The following AVL9 variants were observed in gnomAD, a reference collection of about 807,000 sequenced individuals.
AVL9 encodes the protein late secretory pathway protein AVL9 homolog.
AVL9 carries 49 observed loss-of-function variants against 79.2 expected under a neutral mutation model. The observed-to-expected ratio is 0.62, with a 90% confidence interval of 0.49 to 0.79. The LOEUF is 0.79. Among genes scored for constraint, AVL9 ranks in the 30% least tolerant of loss-of-function variants. The pLI is 0.00. For synonymous variants in AVL9, 299 were observed against 280.6 expected, an observed-to-expected ratio of 1.07 and a Z score of -0.65; for missense variants, 682 against 776.8, an observed-to-expected ratio of 0.88 and a Z score of 1.45.
At chr7:32,547,144 G>A (rs1380877802) in intron 3 of AVL9, among the ~76,000 whole-genome samples, 1 of 152,218 alleles carries the variant, frequency 6.6e-6, no homozygotes. Flanking sequence ...GGGTACCAGC[G>A]AGGGTCCAAG....
chr7:32,576,162 G>T (rs939436555), intron 13 of AVL9, 90 bp downstream of exon 13: 4 of 876,352 alleles, frequency 4.6e-6, no homozygotes, highest in South Asian at 1.6e-5. Context: ...CTTTGATATT[G>T]TGAATATCCT....
intron 1 of AVL9, among the ~76,000 whole-genome samples, chr7:32,503,363 T>G (rs9769760): frequency 0.011 from 1,094 of 100,294 alleles, 42 homozygotes; most frequent in African/African-American, 0.041. Flanking sequence ...TATAGAGAGA[T>G]ATATATATAT....
intron 1 of AVL9, among the ~76,000 whole-genome samples, chr7:32,510,777 G>C (rs10248722): frequency 2.1e-5 from 2 of 94,108 alleles, no homozygotes; most frequent in Admixed American, 9.7e-5. Context: ...TCAGGTCTGG[G>C]TGTAGGAGTC....
chr7:32,511,828 A>G (rs1562755545), intron 1 of AVL9, among the ~76,000 whole-genome samples: 1 of 152,116 alleles, frequency 6.6e-6, no homozygotes, highest in Non-Finnish European at 1.5e-5. Context: ...AGGAACAGAA[A>G]GAAATGGAGG....
chr7:32,562,572 C>A (rs1018910025), intron 10 of AVL9: 15 of 953,260 alleles, frequency 1.6e-5, no homozygotes, highest in Non-Finnish European at 1.7e-5. Context: ...TTCAGGATAT[C>A]ATTTCTTAAT....
In AVL9 at chr7:32,504,033, G is replaced by A. The variant is rs118053085; in HGVS notation, c.93+8231G>A. ...CGTCTGCCCCGTGGCCTTCACTGAC[G>A]GTATTAGGAATGTGTTAGGCTCCCT... On this transcript the variant is annotated intron_variant, in intron 1 of 15. Coordinates refer to ENST00000318709, the MANE Select transcript of AVL9 (RefSeq NM_015060.3). 1.6e-4 allele frequency among the ~76,000 whole-genome samples: 24 copies of A among 152,264 alleles called. No homozygotes were observed. In the East Asian group the frequency reaches 4.6e-3, roughly 29 times the overall value.
chr7:32,498,057 T>A (rs1300824324), intron 1 of AVL9, among the ~76,000 whole-genome samples: 1 of 152,198 alleles, frequency 6.6e-6, no homozygotes, highest in Admixed American at 6.5e-5. Flanking sequence ...AAAACCTTTG[T>A]TTTAAAAGTG....
chr7:32,558,024 T>G (rs1203235472), intron 8 of AVL9, among the ~76,000 whole-genome samples: 2 of 150,774 alleles, frequency 1.3e-5, no homozygotes, highest in Non-Finnish European at 1.5e-5. Context: ...CCTGGCTAAT[T>G]TTTGTACTTT....
In AVL9 at chr7:32,495,584, C is replaced by A. The variant is rs1786755254; in HGVS notation, c.-126C>A. On this transcript the variant is annotated 5_prime_UTR_variant, in exon 1 of 16. Transcript: ENST00000318709. ...GAGCTGCTTTGCCTCCACCGATCTC[C>A]CTGTGCGGCCCTCATGTGCTGTGCT... is the stretch of plus-strand genomic sequence containing the variant. 3.9e-6 allele frequency: 2 copies of A among 516,314 alleles called. No homozygotes were observed. The highest frequency in any genetic ancestry group is 2.0e-5 in the African/African-American group (1 of 50,464). The allele number at this position is 516,314 out of a possible 1,614,324, so 32.0% of individuals were successfully genotyped here. A position where few individuals can be genotyped will look rare whatever the true frequency, so the allele number is the denominator to read the frequency against.
In AVL9 at chr7:32,584,568, CCT is replaced by C. The variant is rs1398219844; in HGVS notation, c.*664_*665del. The C allele has an allele frequency of 2.6e-5, 4 of 153,726 alleles. No homozygotes were observed. The highest frequency in any genetic ancestry group is 5.8e-5 in the Non-Finnish European group (4 of 69,138). The allele number at this position is 153,726 out of a possible 1,614,324, so 9.5% of individuals were successfully genotyped here. A position where few individuals can be genotyped will look rare whatever the true frequency, so the allele number is the denominator to read the frequency against. ...TCAAGGAGTATCACTGTGCTTTCCT[CCT>C]CTTTATAACTGTGCAGGTGGGTGTG... On this transcript the variant is annotated 3_prime_UTR_variant, in exon 16 of 16. Transcript: ENST00000318709.
intron 11 of AVL9, 39 bp from the exon 12 acceptor site, chr7:32,573,160 G>A: frequency 1.3e-6 from 2 of 1,545,604 alleles, no homozygotes; most frequent in South Asian, 2.2e-5. Context: ...ATGTCTGCGT[G>A]AATGCCCAGA....
intron 1 of AVL9, among the ~76,000 whole-genome samples, chr7:32,516,587 A>G (rs1014109541): frequency 6.6e-6 from 1 of 152,106 alleles, no homozygotes; most frequent in Non-Finnish European, 1.5e-5. Flanking sequence ...GGAATCCCCA[A>G]CAAAATTAGT....
At chr7:32,571,229 C>CAA (rs35287763) in intron 11 of AVL9, among the ~76,000 whole-genome samples, 780 of 65,042 alleles carry the variant, frequency 0.012, 23 homozygotes, top group African/African-American at 0.036. Context: ...GACCCTGTCT[C>CAA]AAAAAAAAAA....
At chr7:32,499,452 ATAAT>A (rs1281530647) in intron 1 of AVL9, among the ~76,000 whole-genome samples, 3 of 152,132 alleles carry the variant, frequency 2.0e-5, no homozygotes, top group African/African-American at 7.2e-5. Context: ...AAAAGTTGAA[ATAAT>A]TACTTAATTT....
intron 10 of AVL9, among the ~76,000 whole-genome samples, chr7:32,567,559 C>T (rs7786477): frequency 0.53 from 80,456 of 151,952 alleles, 22,253 homozygotes; most frequent in Admixed American, 0.66. Flanking sequence ...CCCTCTCCAG[C>T]GGCAGCCAAC....
rs181199471 is a variant in AVL9, at chr7:32,574,396, A to G, written c.1570+978A>G. Among the ~76,000 whole-genome samples, 6 of 152,350 alleles carry G rather than the reference A, an allele frequency of 3.9e-5. No individual in the cohort carries two copies. The East Asian group carries it at 7.7e-4, about 20-fold the overall frequency. ...TTTTAAATGTTTGCCACCACTAACA[A>G]TGTAGCAGCTGAGACACCAAAATTA... On this transcript the variant is annotated intron_variant, in intron 12 of 15. Coordinates refer to ENST00000318709, the MANE Select transcript of AVL9 (RefSeq NM_015060.3).
At chr7:32,580,579 T>C (rs1791450070) in intron 14 of AVL9, among the ~76,000 whole-genome samples, 1 of 152,330 alleles carries the variant, frequency 6.6e-6, no homozygotes, top group South Asian at 2.1e-4. Flanking sequence ...CACCACTTTT[T>C]GGTTCATCTG....
At chr7:32,538,747 A>G (rs1404394971) in intron 1 of AVL9, 1 of 152,166 alleles carries the variant, frequency 6.6e-6, no homozygotes, top group East Asian at 1.9e-4. Flanking sequence ...GTATATACAG[A>G]ATCATACTAC....
At chr7:32,519,299 G>C (rs1230558718) in intron 1 of AVL9, among the ~76,000 whole-genome samples, 1 of 151,996 alleles carries the variant, frequency 6.6e-6, no homozygotes, top group Non-Finnish European at 1.5e-5. Context: ...GTGGTGGCAG[G>C]CACCTGTAAT....
Sources: allele counts gnomAD v4.1 joint callset (sites outside exome capture counted in the v4.1 genomes callset), GRCh38; gene constraint gnomAD v4.1.1; transcripts MANE v1.5; gene names NCBI Gene and HGNC (gene_info 2026-07-23, HGNC 2026-07-21).